SORCS3: variants seen among roughly 807,000 people sequenced by gnomAD.
SORCS3 encodes sortilin related VPS10 domain containing receptor 3, also known as VPS10 domain-containing receptor SorCS3.
A neutral mutation model predicts 146.3 loss-of-function variants in SORCS3; 57 were observed. That is an observed-to-expected ratio of 0.39 (90% CI 0.31 to 0.49). The LOEUF is 0.49. SORCS3 is among the 20% of genes least tolerant of loss of function. The pLI is 0.92. For synonymous variants in SORCS3, 653 were observed against 618.5 expected (o/e 1.06, Z -0.83); for missense variants, 1,341 against 1,575.5 (o/e 0.85, Z 2.52).
intron 1 of SORCS3, among the ~76,000 whole-genome samples, chr10:104,695,647 C>T (rs2016165543): frequency 6.6e-6 from 1 of 151,806 alleles, no homozygotes; most frequent in South Asian, 2.1e-4. Context: ...CATATGCATG[C>T]AAATTTGTAA....
At chr10:104,722,908 G>T (rs1447229622) in intron 1 of SORCS3, among the ~76,000 whole-genome samples, 1 of 151,920 alleles carries the variant, frequency 6.6e-6, no homozygotes, top group African/African-American at 2.4e-5. Flanking sequence ...TATCAATTTT[G>T]TTGATTTTTT....
chr10:104,647,975 G>A (rs57044282), intron 1 of SORCS3, among the ~76,000 whole-genome samples: 14,818 of 152,240 alleles, frequency 0.097, 803 homozygotes, highest in Admixed American at 0.14. Flanking sequence ...GTTGGTAGAA[G>A]TGTGATAGAG....
intron 20 of SORCS3, among the ~76,000 whole-genome samples, chr10:105,227,371 A>G (rs2056739871): frequency 6.6e-6 from 1 of 151,968 alleles, no homozygotes; most frequent in Non-Finnish European, 1.5e-5. Flanking sequence ...TCCTCTTGTT[A>G]TTGATTTCTA....
intron 1 of SORCS3, among the ~76,000 whole-genome samples, chr10:104,674,965 T>G (rs931025350): frequency 1.1e-4 from 16 of 152,256 alleles, no homozygotes; most frequent in African/African-American, 3.9e-4. Context: ...TGGACATCTG[T>G]ACTCATTTCT....
intron 1 of SORCS3, among the ~76,000 whole-genome samples, chr10:104,643,713 T>TGG (rs1564649675): frequency 2.8e-5 from 4 of 142,480 alleles, no homozygotes. Context: ...AATTAGGGTG[T>TGG]GTGTGTGTGT....
intron 1 of SORCS3, among the ~76,000 whole-genome samples, chr10:104,645,918 C>T (rs1001314054): frequency 6.6e-6 from 1 of 152,216 alleles, no homozygotes; most frequent in African/African-American, 2.4e-5. Context: ...TTCATCCTCC[C>T]TGCTCACAGT....
At chr10:105,142,657 G>A (rs542330382) in intron 8 of SORCS3, among the ~76,000 whole-genome samples, 2 of 152,174 alleles carry the variant, frequency 1.3e-5, no homozygotes, top group Admixed American at 1.3e-4. Context: ...TCAATTGCTC[G>A]ATCATGCCAC....
intron 4 of SORCS3, among the ~76,000 whole-genome samples, chr10:105,025,302 G>C (rs2055221317): frequency 6.6e-6 from 1 of 152,168 alleles, no homozygotes; most frequent in Non-Finnish European, 1.5e-5. Context: ...TCAGCTGGTA[G>C]AATGAATGAA....
chr10:105,219,079 C>T (rs1429557845), intron 19 of SORCS3, among the ~76,000 whole-genome samples: 1 of 152,166 alleles, frequency 6.6e-6, no homozygotes, highest in East Asian at 1.9e-4. Flanking sequence ...GAGAATCAAA[C>T]TGGATGAGGT....
intron 1 of SORCS3, among the ~76,000 whole-genome samples, chr10:104,673,943 A>G (rs1209865193): frequency 1.3e-5 from 2 of 152,190 alleles, no homozygotes; most frequent in African/African-American, 4.8e-5. Context: ...TTTATACATC[A>G]TGTGCCCAAA....
intron 1 of SORCS3, among the ~76,000 whole-genome samples, chr10:104,729,237 A>G (rs563163871): frequency 5.5e-4 from 84 of 152,348 alleles, no homozygotes; most frequent in Middle Eastern, 6.8e-3. Context: ...TTTCTGTTTT[A>G]TGGTACACGT....
At chr10:104,866,733 G>A (rs2018462648) in intron 2 of SORCS3, among the ~76,000 whole-genome samples, 1 of 152,088 alleles carries the variant, frequency 6.6e-6, no homozygotes, top group Admixed American at 6.6e-5. Flanking sequence ...TCAACAGTTT[G>A]GAAAAGGTGG....
intron 1 of SORCS3, among the ~76,000 whole-genome samples, chr10:104,772,138 A>G (rs1413499012): frequency 1.3e-5 from 2 of 151,732 alleles, no homozygotes; most frequent in Non-Finnish European, 2.9e-5. Flanking sequence ...CCTGCCTGTC[A>G]TCTCCACCTC....
At chr10:105,070,447 C>G (rs2055549383) in intron 5 of SORCS3, among the ~76,000 whole-genome samples, 1 of 152,152 alleles carries the variant, frequency 6.6e-6, no homozygotes, top group Non-Finnish European at 1.5e-5. Flanking sequence ...GTTTCTGGAT[C>G]AAGTAGATCT....
At chr10:105,210,992 A>C in intron 16 of SORCS3, 145 bp from the exon 17 acceptor site, 1 of 552,970 alleles carries the variant, frequency 1.8e-6, no homozygotes, top group Non-Finnish European at 3.3e-6. Flanking sequence ...TCAAAATATG[A>C]ATATTTACCC....
intron 1 of SORCS3, among the ~76,000 whole-genome samples, chr10:104,770,912 T>A (rs768152486): frequency 6.6e-6 from 1 of 152,360 alleles, no homozygotes; most frequent in African/African-American, 2.4e-5. Context: ...TCCAAAATAC[T>A]ATTTTAATGT....
At chr10:104,984,402 A>C (rs1253272330) in intron 4 of SORCS3, among the ~76,000 whole-genome samples, 2 of 152,164 alleles carry the variant, frequency 1.3e-5, no homozygotes, top group African/African-American at 2.4e-5. Context: ...ATTTTGAAAT[A>C]GTATTGATGG....
chr10:105,113,890 T>C (rs1406538478), intron 7 of SORCS3, among the ~76,000 whole-genome samples: 1 of 152,142 alleles, frequency 6.6e-6, no homozygotes, highest in Non-Finnish European at 1.5e-5. Context: ...TCCGTTCCAC[T>C]TGGATAAAAG....
At chr10:104,981,490 G>A (rs2054931245) in intron 4 of SORCS3, among the ~76,000 whole-genome samples, 1 of 152,128 alleles carries the variant, frequency 6.6e-6, no homozygotes, top group African/African-American at 2.4e-5. Context: ...ATTCTCTTTT[G>A]TTTCCATCAG....
Sources: allele counts gnomAD v4.1 joint callset (sites outside exome capture counted in the v4.1 genomes callset), GRCh38; gene constraint gnomAD v4.1.1; transcripts MANE v1.5; gene names NCBI Gene and HGNC (gene_info 2026-07-23, HGNC 2026-07-21).